SPP2: variants seen among roughly 807,000 people sequenced by gnomAD.
The protein encoded by SPP2 is secreted phosphoprotein 2.
A neutral mutation model predicts 28.8 loss-of-function variants in SPP2; 34 were observed. That is an observed-to-expected ratio of 1.18 (90% CI 0.90 to 1.57). The LOEUF (loss-of-function observed/expected upper bound fraction) is 1.57, where lower values mean the gene tolerates loss of function less well. Ranked by LOEUF, SPP2 falls within the 40% of genes most tolerant of loss-of-function variation. SPP2 has a pLI of 0.00. For missense variants in SPP2, 269 were observed against 263.9 expected, an observed-to-expected ratio of 1.02 and a Z score of -0.13; for synonymous variants, 96 against 89.4, an observed-to-expected ratio of 1.07 and a Z score of -0.42.
At chr2:234,067,524 T>A (rs1693846633) in intron 6 of SPP2, among the ~76,000 whole-genome samples, 2 of 152,112 alleles carry the variant, frequency 1.3e-5, no homozygotes, top group South Asian at 4.1e-4. Context: ...ACGCCTGTAA[T>A]CCCAGCACTT....
chr2:234,061,216 G>A (rs971199421), intron 4 of SPP2, among the ~76,000 whole-genome samples: 1 of 152,086 alleles, frequency 6.6e-6, no homozygotes, highest in Non-Finnish European at 1.5e-5. Flanking sequence ...TATTATATAA[G>A]TGTCCAATTA....
In SPP2 at chr2:234,050,733, G is replaced by A. The variant is rs1263037150; in HGVS notation, c.-54G>A. The A allele has an allele frequency of 2.6e-6, 4 of 1,516,708 alleles. No individual in the cohort carries two copies. Among genetic ancestry groups the A allele is most frequent in the African/African-American group, 2.7e-5 (2 of 72,922 alleles). 94.0% of individuals were successfully genotyped at this position (1,516,708 alleles called of 1,614,324 possible). On this transcript the variant is annotated 5_prime_UTR_variant, in exon 1 of 8. Coordinates refer to ENST00000168148, the MANE Select transcript of SPP2 (RefSeq NM_006944.3). ...TGATAAAGACAGCTCCTCTTAGGAAGAACTGTCATCCCCAAACACATAGAG... is the reference window on the plus strand; with the variant it reads ...TGATAAAGACAGCTCCTCTTAGGAAAAACTGTCATCCCCAAACACATAGAG...
At chr2:234,072,393 CT>C (rs567600586) in intron 7 of SPP2, among the ~76,000 whole-genome samples, 3,808 of 150,074 alleles carry the variant, frequency 0.025, 80 homozygotes, top group African/African-American at 0.047. Flanking sequence ...TAAATGATAT[CT>C]TTTTTTTTTC....
chr2:234,073,879 T>C (rs1337285400), intron 7 of SPP2, among the ~76,000 whole-genome samples: 1 of 152,222 alleles, frequency 6.6e-6, no homozygotes, highest in African/African-American at 2.4e-5. Flanking sequence ...AGAATCATTC[T>C]CATGATTTTA....
intron 2 of SPP2, among the ~76,000 whole-genome samples, chr2:234,054,733 G>A (rs1911592): frequency 0.34 from 51,840 of 151,976 alleles, 9,133 homozygotes; most frequent in South Asian, 0.5. Context: ...GGGGCAGGGG[G>A]ACAAACAGTC....
At chr2:234,060,141 C>T (rs1425895296) in intron 3 of SPP2, among the ~76,000 whole-genome samples, 3 of 152,118 alleles carry the variant, frequency 2.0e-5, no homozygotes, top group Non-Finnish European at 2.9e-5. Context: ...GAAATGTTTG[C>T]GTTTCCTAGA....
chr2:234,055,017 G>A (rs1693577757), intron 2 of SPP2, among the ~76,000 whole-genome samples: 1 of 151,906 alleles, frequency 6.6e-6, no homozygotes, highest in African/African-American at 2.4e-5. Context: ...TTTACTTTTT[G>A]TCCATTAATA....
intron 4 of SPP2, among the ~76,000 whole-genome samples, chr2:234,066,105 G>C (rs1051564367): frequency 6.6e-6 from 1 of 152,144 alleles, no homozygotes; most frequent in African/African-American, 2.4e-5. Flanking sequence ...ACTTTACTTT[G>C]TGATGATTGC....
intron 2 of SPP2, among the ~76,000 whole-genome samples, chr2:234,057,412 C>T (rs553069277): frequency 6.6e-6 from 1 of 152,330 alleles, no homozygotes; most frequent in East Asian, 1.9e-4. Flanking sequence ...TGAGCTTCTT[C>T]CCATCCTTCA....
At chr2:234,059,492 A>T (rs1368029911) in intron 3 of SPP2, among the ~76,000 whole-genome samples, 4 of 152,140 alleles carry the variant, frequency 2.6e-5, no homozygotes, top group African/African-American at 9.7e-5. Flanking sequence ...AGGCCAAGGG[A>T]GCTGAGAGGC....
chr2:234,061,902 G>C (rs1456144300), intron 4 of SPP2, among the ~76,000 whole-genome samples: 1 of 152,194 alleles, frequency 6.6e-6, no homozygotes, highest in African/African-American at 2.4e-5. Flanking sequence ...CATAGTTGAA[G>C]AATCTTCTTT....
intron 4 of SPP2, among the ~76,000 whole-genome samples, chr2:234,065,399 C>T (rs1011904328): frequency 6.6e-6 from 1 of 152,160 alleles, no homozygotes; most frequent in Non-Finnish European, 1.5e-5. Flanking sequence ...AGTGCCTCAG[C>T]CTCCCAAGAA....
chr2:234,071,476 T>A (rs1312815153), intron 7 of SPP2, among the ~76,000 whole-genome samples: 3 of 152,128 alleles, frequency 2.0e-5, no homozygotes, highest in African/African-American at 7.2e-5. Flanking sequence ...AATTCCCAGT[T>A]ACTAGGGATG....
At chr2:234,069,328 G>A (rs754090236) in intron 6 of SPP2, among the ~76,000 whole-genome samples, 11 of 152,114 alleles carry the variant, frequency 7.2e-5, no homozygotes, top group Non-Finnish European at 1.5e-4. Context: ...GGCCAATCCT[G>A]CCCCAATGTG....
At chr2:234,060,747 GCA>G (rs58407806) in intron 4 of SPP2, among the ~76,000 whole-genome samples, 20,711 of 148,766 alleles carry the variant, frequency 0.14, 2,317 homozygotes, top group African/African-American at 0.31. Flanking sequence ...ACACACACAC[GCA>G]CACACACACA....
intron 7 of SPP2, among the ~76,000 whole-genome samples, chr2:234,076,273 C>G (rs1208774518): frequency 6.6e-6 from 1 of 152,156 alleles, no homozygotes; most frequent in Non-Finnish European, 1.5e-5. Flanking sequence ...TGACTGTTCT[C>G]CCGGGGTCCC....
At chr2:234,055,131 A>G (rs1693580520) in intron 2 of SPP2, among the ~76,000 whole-genome samples, 1 of 140,286 alleles carries the variant, frequency 7.1e-6, no homozygotes, top group Non-Finnish European at 1.5e-5. Flanking sequence ...AAATGGATGC[A>G]TATGAATATA....
intron 4 of SPP2, among the ~76,000 whole-genome samples, chr2:234,062,153 C>T (rs912946286): frequency 1.3e-5 from 2 of 151,920 alleles, no homozygotes; most frequent in Non-Finnish European, 2.9e-5. Flanking sequence ...TTTATAGACA[C>T]GTCTTGGGGA....
intron 7 of SPP2, among the ~76,000 whole-genome samples, chr2:234,071,554 G>A (rs1193418552): frequency 3.3e-5 from 5 of 152,242 alleles, no homozygotes; most frequent in Non-Finnish European, 5.9e-5. Flanking sequence ...AATTATAGAT[G>A]TCGATTCCAT....
Sources: allele counts gnomAD v4.1 joint callset (sites outside exome capture counted in the v4.1 genomes callset), GRCh38; gene constraint gnomAD v4.1.1; transcripts MANE v1.5; gene names NCBI Gene and HGNC (gene_info 2026-07-23, HGNC 2026-07-21).